Variants in QTMAN observed in about 807,000 individuals in gnomAD.
QTMAN encodes queuosine-tRNA mannosyltransferase, also known as tRNA-queuosine alpha-mannosyltransferase.
the QTMAN span, among the ~76,000 whole-genome samples, chr2:144,137,697 C>T: frequency 1.3e-5 from 2 of 151,872 alleles, no homozygotes; most frequent in African/African-American, 4.8e-5. Context: ...CGCCTTTATC[C>T]ATAAAATAAG....
At chr2:144,204,543 T>C in the QTMAN span, among the ~76,000 whole-genome samples, 25 of 152,222 alleles carry the variant, frequency 1.6e-4, no homozygotes, top group Non-Finnish European at 3.5e-4. Context: ...ACACTGTTGT[T>C]GGGACTGTAA....
chr2:144,306,658 C>CA, the QTMAN span, among the ~76,000 whole-genome samples: 1 of 151,696 alleles, frequency 6.6e-6, no homozygotes, highest in Non-Finnish European at 1.5e-5. Flanking sequence ...TAAGAGCCCC[C>CA]CAGAAAAAAA....
chr2:144,061,714 A>G, the QTMAN span, among the ~76,000 whole-genome samples: 1 of 152,074 alleles, frequency 6.6e-6, no homozygotes, highest in Non-Finnish European at 1.5e-5. Context: ...GCCCTAAATG[A>G]GAACAGGCAT....
the QTMAN span, among the ~76,000 whole-genome samples, chr2:144,025,574 G>C: frequency 6.6e-6 from 1 of 152,220 alleles, no homozygotes; most frequent in African/African-American, 2.4e-5. Flanking sequence ...GACTGGGCCT[G>C]TAGGGCAAGG....
the QTMAN span, among the ~76,000 whole-genome samples, chr2:144,115,572 C>T: frequency 1.6e-4 from 25 of 152,220 alleles, no homozygotes; most frequent in Non-Finnish European, 3.2e-4. Context: ...TTTCACACAC[C>T]TATGTTTTGG....
At chr2:144,018,905 G>C in the QTMAN span, among the ~76,000 whole-genome samples, 1 of 152,194 alleles carries the variant, frequency 6.6e-6, no homozygotes, top group Non-Finnish European at 1.5e-5. Context: ...CTGATCTTCA[G>C]CTGTGACCTC....
the QTMAN span, among the ~76,000 whole-genome samples, chr2:143,957,887 G>A: frequency 2.0e-5 from 3 of 152,098 alleles, no homozygotes; most frequent in Non-Finnish European, 4.4e-5. Flanking sequence ...AAAGAAATAT[G>A]TGTCGCTGAG....
chr2:144,313,426 T>C, the QTMAN span, among the ~76,000 whole-genome samples: 1 of 152,174 alleles, frequency 6.6e-6, no homozygotes, highest in Non-Finnish European at 1.5e-5. Context: ...CATTTACCAC[T>C]TACCTATTAT....
the QTMAN span, among the ~76,000 whole-genome samples, chr2:144,320,722 A>G: frequency 1.3e-5 from 2 of 152,200 alleles, no homozygotes; most frequent in Admixed American, 1.3e-4. Flanking sequence ...ACATGTGGGC[A>G]AGGGGCTGAG....
the QTMAN span, among the ~76,000 whole-genome samples, chr2:143,974,562 TAAAAG>T: frequency 3.3e-5 from 5 of 152,182 alleles, no homozygotes; most frequent in East Asian, 9.6e-4. Context: ...TACTGTAAAG[TAAAAG>T]AGAGATGACA....
the QTMAN span, among the ~76,000 whole-genome samples, chr2:144,130,458 A>G: frequency 1.3e-5 from 2 of 151,980 alleles, no homozygotes; most frequent in Non-Finnish European, 2.9e-5. Context: ...AGTAAACATC[A>G]TATGATACTC....
chr2:143,945,686 C>T, the QTMAN span: 3 of 152,254 alleles, frequency 2.0e-5, no homozygotes, highest in Admixed American at 6.5e-5. Flanking sequence ...TGCCCCTTGT[C>T]TAGCCACCTT....
the QTMAN span, among the ~76,000 whole-genome samples, chr2:144,063,518 A>G: frequency 1.3e-5 from 2 of 152,240 alleles, no homozygotes; most frequent in African/African-American, 2.4e-5. Flanking sequence ...AATTTTATCA[A>G]TGGAATTCTT....
chr2:144,047,076 G>C, the QTMAN span, among the ~76,000 whole-genome samples: 1 of 152,098 alleles, frequency 6.6e-6, no homozygotes, highest in Non-Finnish European at 1.5e-5. Context: ...TTCCAAACCA[G>C]CCTGGCCAAC....
the QTMAN span, among the ~76,000 whole-genome samples, chr2:144,288,295 A>T: frequency 1.3e-5 from 2 of 152,210 alleles, no homozygotes; most frequent in Non-Finnish European, 2.9e-5. Flanking sequence ...AAGGGGAACA[A>T]AAAAACTGTA....
chr2:143,991,020 G>C, the QTMAN span, among the ~76,000 whole-genome samples: 1 of 152,016 alleles, frequency 6.6e-6, no homozygotes, highest in African/African-American at 2.4e-5. Flanking sequence ...AAGCTTAAGA[G>C]AGGATTAGTA....
chr2:143,971,513 G>A, the QTMAN span, among the ~76,000 whole-genome samples: 1 of 151,944 alleles, frequency 6.6e-6, no homozygotes, highest in South Asian at 2.1e-4. Flanking sequence ...GATAGAATGA[G>A]AGGCTAAAGG....
chr2:143,961,441 C>A, the QTMAN span, among the ~76,000 whole-genome samples: 1 of 152,256 alleles, frequency 6.6e-6, no homozygotes, highest in East Asian at 1.9e-4. Flanking sequence ...TATGCCTTTA[C>A]AGGCTTTCAA....
the QTMAN span, among the ~76,000 whole-genome samples, chr2:144,071,578 C>T: frequency 1.7e-3 from 262 of 152,240 alleles, 6 homozygotes; most frequent in South Asian, 0.014. Context: ...TCACGTTCCA[C>T]GAAGCAGCCC....
Sources: gnomAD v4.1 joint callset for allele counts (sites outside exome capture counted in the v4.1 genomes callset) on GRCh38, gnomAD v4.1.1 for gene constraint, MANE v1.5 for transcripts, NCBI Gene and HGNC (gene_info 2026-07-23, HGNC 2026-07-21) for gene names.